Variants in FBLN1 observed in about 807,000 individuals in gnomAD.
FBLN1 encodes the protein fibulin-1.
Under a neutral mutation model 89.7 loss-of-function variants are expected in FBLN1, and 34 were observed. The observed-to-expected ratio is 0.38, with a 90% confidence interval of 0.29 to 0.50. The LOEUF is 0.50. Ranked by LOEUF, FBLN1 falls within the 20% of genes least tolerant of loss-of-function variation. FBLN1 has a pLI of 0.92. For synonymous variants in FBLN1, 393 were observed against 391.3 expected, an observed-to-expected ratio of 1.00 and a Z score of -0.05; for missense variants, 777 against 988.1, an observed-to-expected ratio of 0.79 and a Z score of 2.86.
chr22:45,518,911 A>G, intron 2 of FBLN1, 124 bp downstream of exon 2: 1 of 899,202 alleles, frequency 1.1e-6, no homozygotes, highest in Non-Finnish European at 1.8e-6. Context: ...GGATCCATCC[A>G]GGCTGCGGGT....
intron 14 of FBLN1, chr22:45,565,134 C>T: frequency 1.3e-6 from 2 of 1,582,996 alleles, no homozygotes; most frequent in Non-Finnish European, 1.7e-6. Context: ...CAGGTTTGCA[C>T]CAGCCTCGAG....
chr22:45,562,544 G>A lies in FBLN1; in HGVS notation c.1697+11929G>A, dbSNP rs2088860220. ...TGGGTCACCTCCGAGACACAACCAA[G>A]AGCCCTGCGTAGCCCTGGCCACTGT... On this transcript the variant is annotated intron_variant, in intron 14 of 16. Transcript: ENST00000327858. This position sits in a 1 kb window ranked among gnomAD's most constrained non-coding sequence, Gnocchi z 7.8. 6.6e-6 allele frequency among the ~76,000 whole-genome samples: 1 copy of A among 152,192 alleles called. No homozygotes were observed. The highest frequency in any genetic ancestry group is 2.1e-4 in the South Asian group (1 of 4,820).
intron 1 of FBLN1, among the ~76,000 whole-genome samples, chr22:45,512,606 C>G (rs1261695927): frequency 1.3e-5 from 2 of 152,092 alleles, no homozygotes; most frequent in African/African-American, 4.8e-5. Context: ...CACAGGTGAC[C>G]GGATCCCCAG....
chr22:45,541,593 A>T (rs1439275424), intron 9 of FBLN1, among the ~76,000 whole-genome samples: 1 of 152,092 alleles, frequency 6.6e-6, no homozygotes, highest in Admixed American at 6.5e-5. Context: ...CCTGAGCCCA[A>T]AGCTCTCGCA....
In FBLN1 at chr22:45,533,698, C is replaced by A. The variant is rs1308090487; in HGVS notation, c.647-63C>A. 4 of 1,590,532 alleles carry A rather than the reference C, an allele frequency of 2.5e-6. No individual in the cohort carries two copies. The African/African-American group carries it at 4.1e-5, about 16-fold the overall frequency. ...CACCGTGGCTTTGGCACATTCCTTT[C>A]TAGGATGTATTAGGATGGGTCGTTC... On this transcript the variant is annotated intron_variant, in intron 6 of 16. Transcript: ENST00000327858.
At position 45,563,016 on chromosome 22, in the gene FBLN1, C is replaced by A. The variant is rs765670200; in HGVS notation, c.1698-11495C>A. 11 of 1,613,538 alleles carry A rather than the reference C, an allele frequency of 6.8e-6. No individual in the cohort carries two copies. Among genetic ancestry groups the A allele is most frequent in the Non-Finnish European group, 9.3e-6 (11 of 1,179,976 alleles). ...TTCCCCACCAACATCCAAGCGCCCG[C>A]GGTGGTTTTCCGCATGGGCCCCTCC... On this transcript the variant is annotated intron_variant, in intron 14 of 16. Transcript: ENST00000327858. The surrounding 1 kb of genome is among the most constrained non-coding windows in gnomAD (Gnocchi z 5.7).
At chr22:45,507,459 G>C (rs1602156563) in intron 1 of FBLN1, among the ~76,000 whole-genome samples, 1 of 152,200 alleles carries the variant, frequency 6.6e-6, no homozygotes, top group Non-Finnish European at 1.5e-5. Flanking sequence ...TTTACATTTA[G>C]TAACCAATGT....
chr22:45,538,016 C>T (rs1347743975), intron 8 of FBLN1, among the ~76,000 whole-genome samples: 3 of 152,254 alleles, frequency 2.0e-5, no homozygotes, highest in Non-Finnish European at 4.4e-5. Flanking sequence ...CAACCTAGCC[C>T]TGACTTTCCT....
Position 45,547,208 on chromosome 22 carries a change from C to G in FBLN1, c.1441+4C>G, listed in dbSNP as rs571138392. The G allele has an allele frequency of 1.2e-6, 2 of 1,613,402 alleles. No individual in the cohort carries two copies. Among genetic ancestry groups the G allele is most frequent in the African/African-American group, 2.7e-5 (2 of 74,896 alleles). ...GTGGATGGAGTCACCTGTGAAGGTGCGGACGCCCCTGCCTGCTGAGGGGGA... is the reference window on the plus strand; with the variant it reads ...GTGGATGGAGTCACCTGTGAAGGTGGGGACGCCCCTGCCTGCTGAGGGGGA... On this transcript the variant is annotated splice_donor_region_variant and intron_variant, in intron 12 of 16. Coordinates refer to ENST00000327858, the MANE Select transcript of FBLN1 (RefSeq NM_006486.3).
chr22:45,529,544 G>C (rs1328098053), intron 4 of FBLN1, among the ~76,000 whole-genome samples: 1 of 152,074 alleles, frequency 6.6e-6, no homozygotes, highest in African/African-American at 2.4e-5. Flanking sequence ...TCCTCTCTCT[G>C]AGCTTTGCCC....
At chr22:45,552,081 GC>G (rs1236043690) in intron 14 of FBLN1, among the ~76,000 whole-genome samples, 2 of 152,238 alleles carry the variant, frequency 1.3e-5, no homozygotes, top group African/African-American at 4.8e-5. Flanking sequence ...ACCCCTCAGT[GC>G]TGGAGAAAGT....
chr22:45,576,870 C>T lies in FBLN1; in HGVS notation c.1841-107C>T. The stretch of plus-strand genomic sequence containing the variant: ...TCATTGATGTTGTCTCATGAAAGGG[C>T]CCTGGGTTAGGTCTTCATTCCCCAA... On this transcript the variant is annotated intron_variant, in intron 15 of 16. Coordinates refer to ENST00000327858, the MANE Select transcript of FBLN1 (RefSeq NM_006486.3). This position sits in a 1 kb window ranked among gnomAD's most constrained non-coding sequence, Gnocchi z 5.2. The T allele has an allele frequency of 1.5e-6, 2 of 1,371,848 alleles. No individual in the cohort carries two copies. The highest frequency in any genetic ancestry group is 1.0e-6 in the Non-Finnish European group (1 of 982,678). 85.0% of individuals were successfully genotyped at this position (1,371,848 alleles called of 1,614,324 possible). A position where few individuals can be genotyped will look rare whatever the true frequency, so the allele number is the denominator to read the frequency against.
intron 1 of FBLN1, among the ~76,000 whole-genome samples, chr22:45,518,355 C>T (rs1381885796): frequency 6.6e-6 from 1 of 152,060 alleles, no homozygotes; most frequent in South Asian, 2.1e-4. Context: ...CCTGTCTGGA[C>T]AGGGACCGCA....
intron 3 of FBLN1, 32 bp downstream of exon 3, chr22:45,525,710 C>G (rs1469489361): frequency 1.3e-6 from 2 of 1,551,018 alleles, no homozygotes; most frequent in Admixed American, 3.9e-5. Context: ...GGGTCGCTGC[C>G]CGTCCCCACT....
intron 16 of FBLN1, among the ~76,000 whole-genome samples, chr22:45,582,718 A>T (rs939003814): frequency 1.3e-5 from 2 of 152,208 alleles, no homozygotes; most frequent in African/African-American, 2.4e-5. Flanking sequence ...CTTAGAAGAC[A>T]TTCAGACCCA....
At chr22:45,585,515 C>T (rs1186854105) in intron 16 of FBLN1, among the ~76,000 whole-genome samples, 10 of 152,232 alleles carry the variant, frequency 6.6e-5, no homozygotes, top group Admixed American at 2.6e-4. Context: ...CGTCCCTGCC[C>T]AACGATGAGT....
intron 16 of FBLN1, among the ~76,000 whole-genome samples, chr22:45,584,236 G>T (rs578241023): frequency 1.3e-5 from 2 of 152,314 alleles, no homozygotes; most frequent in East Asian, 3.9e-4. Context: ...GAACTTGACA[G>T]CCGCTTTCCC....
chr22:45,587,669 G>A (rs532205820), intron 16 of FBLN1, among the ~76,000 whole-genome samples: 22 of 152,276 alleles, frequency 1.4e-4, no homozygotes, highest in African/African-American at 2.6e-4. Flanking sequence ...CTGCAGAGCC[G>A]CTTGCATCTT....
intron 2 of FBLN1, chr22:45,523,220 C>A: frequency 1.3e-6 from 1 of 762,866 alleles, no homozygotes; most frequent in Admixed American, 1.7e-5. Flanking sequence ...TACAGCAAGG[C>A]GGCCAGGGTG....
Sources: allele counts gnomAD v4.1 joint callset (sites outside exome capture counted in the v4.1 genomes callset), GRCh38; gene constraint gnomAD v4.1.1; non-coding constraint Gnocchi (gnomAD v3.1); transcripts MANE v1.5; gene names NCBI Gene and HGNC (gene_info 2026-07-23, HGNC 2026-07-21).